TRPM8: variants seen among roughly 807,000 people sequenced by gnomAD.
The protein encoded by TRPM8 is TRPM8 cationic channel.
Under a neutral mutation model 133.7 loss-of-function variants are expected in TRPM8, and 110 were observed. The ratio of observed to expected loss-of-function variants is 0.82; its 90% confidence interval spans 0.70 to 0.96. The LOEUF is 0.96. Ranked by LOEUF, TRPM8 falls within the 40% of genes least tolerant of loss-of-function variation. The pLI, the probability that TRPM8 is intolerant of heterozygous loss-of-function variation, is 0.00. For missense variants in TRPM8, 1,291 were observed against 1,379.5 expected, an observed-to-expected ratio of 0.94 and a Z score of 1.02; for synonymous variants, 535 against 532.3, an observed-to-expected ratio of 1.01 and a Z score of -0.07.
chr2:233,955,454 A>G (rs1422315068), intron 11 of TRPM8: 2 of 444,466 alleles, frequency 4.5e-6, no homozygotes, highest in African/African-American at 4.0e-5. Context: ...TTGTGAAGAG[A>G]TAATAAAAAT....
At chr2:233,941,108 G>C (rs544963379) in intron 5 of TRPM8, among the ~76,000 whole-genome samples, 1 of 152,208 alleles carries the variant, frequency 6.6e-6, no homozygotes, top group African/African-American at 2.4e-5. Flanking sequence ...GATCAGAGCA[G>C]CTCCCTAGTT....
chr2:233,963,244 C>T, intron 12 of TRPM8, 38 bp from the exon 13 acceptor site: 1 of 1,450,652 alleles, frequency 6.9e-7, no homozygotes, highest in Non-Finnish European at 9.6e-7. Flanking sequence ...AGAACAGTTT[C>T]CATTTGCACA....
At chr2:233,976,731 G>C (rs1282003427) in intron 17 of TRPM8, among the ~76,000 whole-genome samples, 1 of 152,160 alleles carries the variant, frequency 6.6e-6, no homozygotes, top group Admixed American at 6.5e-5. Context: ...CCTGTGCTTA[G>C]GGTCAGCAGT....
chr2:233,974,550 G>C (rs1355776565), intron 17 of TRPM8, among the ~76,000 whole-genome samples: 1 of 152,094 alleles, frequency 6.6e-6, no homozygotes, highest in Admixed American at 6.5e-5. Flanking sequence ...GTTTTGACTG[G>C]TCTGTGGAAA....
At chr2:233,981,750 T>C (rs745637098) in intron 18 of TRPM8, 24 bp from the exon 19 acceptor site, 3 of 1,583,952 alleles carry the variant, frequency 1.9e-6, no homozygotes, top group Non-Finnish European at 2.6e-6. Context: ...ATCTCATGAA[T>C]TCTGTTCCTT....
intron 1 of TRPM8, 64 bp from the exon 2 acceptor site, chr2:233,926,469 A>G: frequency 8.9e-6 from 11 of 1,237,458 alleles, no homozygotes; most frequent in Non-Finnish European, 1.2e-5. Context: ...ATTGGGGTGA[A>G]GCTTTGAAGG....
intron 25 of TRPM8, among the ~76,000 whole-genome samples, chr2:234,016,755 A>G (rs1162234807): frequency 6.6e-6 from 1 of 152,158 alleles, no homozygotes; most frequent in Non-Finnish European, 1.5e-5. Flanking sequence ...TCCTATTTTT[A>G]TACTTCAGCA....
Position 233,957,489 on chromosome 2 carries a change from A to AAAAC in TRPM8, c.1362+2249_1362+2252dup, listed in dbSNP as rs1247814736. ...GGACAACAAAGCCAGATCTTGTCTC[A>AAAAC]AAACAAACAAACACACACAAAAAAA... On this transcript the variant is annotated intron_variant, in intron 11 of 25. Transcript: ENST00000324695. 3.9e-5 allele frequency among the ~76,000 whole-genome samples: 6 copies of AAAAC among 152,184 alleles called. No homozygotes were observed. In the East Asian group the frequency reaches 1.2e-3, roughly 29 times the overall value.
Position 233,984,056 on chromosome 2 carries a change from A to G in TRPM8, c.2761+832A>G, listed in dbSNP as rs143796714. On this transcript the variant is annotated intron_variant, in intron 20 of 25. Transcript: ENST00000324695. Reference sequence around the variant, plus strand: ...TGTGCCTGCCGCTTTACAGAAGCAGACGCATTTCATCCTCATAACAACCCT... The same window carrying G: ...TGTGCCTGCCGCTTTACAGAAGCAGGCGCATTTCATCCTCATAACAACCCT... 8.5e-5 allele frequency among the ~76,000 whole-genome samples: 13 copies of G among 152,282 alleles called. No individual in the cohort carries two copies. The East Asian group carries it at 2.5e-3, about 29-fold the overall frequency.
In TRPM8 at chr2:233,945,716, C is replaced by G. The variant is rs75068060; in HGVS notation, c.700-140C>G. On this transcript the variant is annotated intron_variant, in intron 6 of 25. Coordinates refer to ENST00000324695, the MANE Select transcript of TRPM8 (RefSeq NM_024080.5). ...GTCTGTACTATAAGATCGCTAAGAC[C>G]CCTCTGGATTTAGGAATCTGGGAGG... 2.4e-4 allele frequency: 155 copies of G among 653,438 alleles called. No individual in the cohort carries two copies. The East Asian group carries it at 4.1e-3, about 17-fold the overall frequency. The allele number at this position is 653,438 out of a possible 1,614,324, so 40.5% of individuals were successfully genotyped here.
chr2:233,985,736 A>ACCT lies in TRPM8; in HGVS notation c.2810_2811insCCT (p.Lys937delinsAsnLeu), dbSNP rs1692130479. ...TGCACCTTCACTGGGAATGAGTCCA[A>ACCT]GCCACTGTGTGTGGAGCTGGATGAG... On this transcript the variant is annotated protein_altering_variant, in exon 21 of 26. Transcript: ENST00000324695. 1 of 1,614,112 alleles carries ACCT rather than the reference A, an allele frequency of 6.2e-7. No homozygotes were observed. Among genetic ancestry groups the ACCT allele is most frequent in the Non-Finnish European group, 8.5e-7 (1 of 1,180,052 alleles).
At position 233,930,756 on chromosome 2, in the gene TRPM8, TC is replaced by T; in HGVS notation, c.191+18del. On this transcript the variant is annotated intron_variant, in intron 3 of 25. Coordinates refer to ENST00000324695, the MANE Select transcript of TRPM8 (RefSeq NM_024080.5). ...TCCAAGGCCACGTAAGCTACTATTTTCCCTCCAGTTTTGCTTTCCAAGTTCA... is the reference window on the plus strand; with the variant it reads ...TCCAAGGCCACGTAAGCTACTATTTTCCTCCAGTTTTGCTTTCCAAGTTCA... 1.3e-6 allele frequency: 2 copies of T among 1,587,736 alleles called. No homozygotes were observed. The highest frequency in any genetic ancestry group is 1.7e-5 in the Admixed American group (1 of 58,332).
At chr2:233,920,087 C>G (rs1691378012) in intron 1 of TRPM8, among the ~76,000 whole-genome samples, 1 of 152,148 alleles carries the variant, frequency 6.6e-6, no homozygotes, top group African/African-American at 2.4e-5. Flanking sequence ...ATGTCTCATG[C>G]TCTTGAGGTG....
chr2:234,006,310 G>A (rs1457365065), intron 22 of TRPM8, among the ~76,000 whole-genome samples: 2 of 152,170 alleles, frequency 1.3e-5, no homozygotes, highest in African/African-American at 4.8e-5. Flanking sequence ...ACTGGAATAT[G>A]TCCCAGAACA....
At chr2:234,012,474 AGAGT>A (rs764771163) in intron 24 of TRPM8, among the ~76,000 whole-genome samples, 1,448 of 105,918 alleles carry the variant, frequency 0.014, 13 homozygotes, top group Non-Finnish European at 0.019. Context: ...TGTGTGTGTG[AGAGT>A]GTGTGTGTGT....
chr2:234,001,487 C>A (rs1312389135), intron 22 of TRPM8, among the ~76,000 whole-genome samples: 1 of 152,040 alleles, frequency 6.6e-6, no homozygotes, highest in Admixed American at 6.6e-5. Flanking sequence ...TGATAAATTT[C>A]AGAAGCAAGA....
chr2:234,018,294 C>T lies in TRPM8; in HGVS notation c.*1038C>T, dbSNP rs894548726. The T allele has an allele frequency of 3.9e-5, 6 of 151,974 alleles. No individual in the cohort carries two copies. Among genetic ancestry groups the T allele is most frequent in the South Asian group, 2.1e-4 (1 of 4,820 alleles). 9.4% of individuals were successfully genotyped at this position (151,974 alleles called of 1,614,324 possible). A position where few individuals can be genotyped will look rare whatever the true frequency, so the allele number is the denominator to read the frequency against. On this transcript the variant is annotated 3_prime_UTR_variant, in exon 26 of 26. Transcript: ENST00000324695. Reference sequence around the variant, plus strand: ...TAATTGCATAATAGGCAACCTCTAGCGATTACCATAATTTTGCTCATTGAA... The same window carrying T: ...TAATTGCATAATAGGCAACCTCTAGTGATTACCATAATTTTGCTCATTGAA...
chr2:233,997,187 T>C (rs1692428426), intron 22 of TRPM8, among the ~76,000 whole-genome samples: 1 of 152,016 alleles, frequency 6.6e-6, no homozygotes, highest in Non-Finnish European at 1.5e-5. Context: ...GGCAGGAGAA[T>C]TGCTTGAACC....
intron 10 of TRPM8, 146 bp from the exon 11 acceptor site, chr2:233,954,986 G>T (rs1691256379): frequency 1.6e-6 from 1 of 617,730 alleles, no homozygotes; most frequent in Non-Finnish European, 2.9e-6. Flanking sequence ...TGAAGATAGA[G>T]TGAATGACAG....
Sources: allele counts gnomAD v4.1 joint callset (sites outside exome capture counted in the v4.1 genomes callset), GRCh38; gene constraint gnomAD v4.1.1; transcripts MANE v1.5; gene names NCBI Gene and HGNC (gene_info 2026-07-23, HGNC 2026-07-21).